Variants in RAD51B observed in about 807,000 individuals in gnomAD.
The protein encoded by RAD51B is DNA repair protein RAD51 homolog 2.
RAD51B carries 38 observed loss-of-function variants against 42.2 expected under a neutral mutation model. The observed-to-expected ratio is 0.90, with a 90% CI of 0.70 to 1.18. The LOEUF is 1.18. Ranked by LOEUF, RAD51B falls within the 50% of genes most tolerant of loss-of-function variation. RAD51B has a pLI of 0.00. For synonymous variants in RAD51B, 154 were observed against 145.2 expected, an observed-to-expected ratio of 1.06 and a Z score of -0.43; for missense variants, 373 against 400.7, an observed-to-expected ratio of 0.93 and a Z score of 0.59.
At chr14:68,582,518 A>G (rs1594996091) in intron 10 of RAD51B, among the ~76,000 whole-genome samples, 2 of 152,252 alleles carry the variant, frequency 1.3e-5, no homozygotes, top group Admixed American at 1.3e-4. Context: ...GATGCTGTAG[A>G]GGACGGGAGA....
intron 7 of RAD51B, among the ~76,000 whole-genome samples, chr14:68,045,675 A>C (rs921436570): frequency 2.6e-5 from 4 of 152,192 alleles, no homozygotes; most frequent in South Asian, 4.1e-4. Context: ...AAACATTCTC[A>C]TGAGTAAGAA....
At chr14:68,450,439 G>A (rs548723559) in intron 9 of RAD51B, among the ~76,000 whole-genome samples, 7 of 152,150 alleles carry the variant, frequency 4.6e-5, no homozygotes, top group Admixed American at 1.3e-4. Context: ...GGCTGGTCTC[G>A]AACTCCTGAC....
chr14:67,989,753 A>G (rs983535893), intron 7 of RAD51B, among the ~76,000 whole-genome samples: 1 of 151,918 alleles, frequency 6.6e-6, no homozygotes, highest in Non-Finnish European at 1.5e-5. Flanking sequence ...GAGAACTTTC[A>G]TTCGGAATTT....
intron 10 of RAD51B, among the ~76,000 whole-genome samples, chr14:68,638,728 A>G (rs1892393321): frequency 6.6e-6 from 1 of 152,158 alleles, no homozygotes; most frequent in Non-Finnish European, 1.5e-5. Context: ...GCAGCACTGC[A>G]GTGCAGCGCA....
At chr14:68,604,588 C>G (rs1891367331) in intron 10 of RAD51B, among the ~76,000 whole-genome samples, 1 of 152,196 alleles carries the variant, frequency 6.6e-6, no homozygotes, top group South Asian at 2.1e-4. Context: ...CTTCCTCGGC[C>G]CTGCCCATTA....
chr14:68,130,012 A>T (rs1369703430), intron 7 of RAD51B: 4 of 152,238 alleles, frequency 2.6e-5, no homozygotes, highest in Non-Finnish European at 5.9e-5. Context: ...AGTATGGCTG[A>T]GTTTTCTATT....
At chr14:67,851,156 A>G (rs1378728456) in intron 4 of RAD51B, among the ~76,000 whole-genome samples, 2 of 151,930 alleles carry the variant, frequency 1.3e-5, no homozygotes, top group East Asian at 3.9e-4. Context: ...ACCTCAGGCA[A>G]TGGGAGATGT....
chr14:68,316,407 A>G (rs755946350), intron 8 of RAD51B, among the ~76,000 whole-genome samples: 2 of 152,100 alleles, frequency 1.3e-5, no homozygotes, highest in Admixed American at 1.3e-4. Context: ...TGGTGCTTTG[A>G]TGGTGGCCTT....
intron 7 of RAD51B, among the ~76,000 whole-genome samples, chr14:68,143,836 G>A (rs1336198995): frequency 9.2e-5 from 14 of 152,068 alleles, no homozygotes; most frequent in African/African-American, 2.4e-4. Flanking sequence ...AGAACCAACC[G>A]TCACTTTTAC....
intron 7 of RAD51B, among the ~76,000 whole-genome samples, chr14:67,985,802 T>C (rs10136174): frequency 0.33 from 49,644 of 151,742 alleles, 11,532 homozygotes; most frequent in African/African-American, 0.66. Flanking sequence ...CCCAGCTACT[T>C]GGGAGGCTGA....
intron 9 of RAD51B, among the ~76,000 whole-genome samples, chr14:68,431,798 T>A (rs1024593435): frequency 1.3e-5 from 2 of 152,230 alleles, no homozygotes; most frequent in African/African-American, 4.8e-5. Flanking sequence ...TGCTAGCTTT[T>A]GAATGTGTTG....
At chr14:67,934,539 A>G (rs1269712855) in intron 7 of RAD51B, among the ~76,000 whole-genome samples, 4 of 152,160 alleles carry the variant, frequency 2.6e-5, no homozygotes, top group Admixed American at 6.5e-5. Context: ...TGCTGTTTCT[A>G]CCCTCAGAGA....
intron 8 of RAD51B, among the ~76,000 whole-genome samples, chr14:68,382,457 G>T (rs1202971757): frequency 6.6e-6 from 1 of 151,934 alleles, no homozygotes; most frequent in Non-Finnish European, 1.5e-5. Flanking sequence ...TAAAAGTTAG[G>T]GTTCTACTCC....
At chr14:68,559,765 A>G (rs1180025657) in intron 10 of RAD51B, among the ~76,000 whole-genome samples, 3 of 152,118 alleles carry the variant, frequency 2.0e-5, no homozygotes, top group Admixed American at 6.6e-5. Context: ...TTTTCCCACT[A>G]AAGCAATGGC....
At chr14:68,225,654 A>G (rs536201426) in intron 7 of RAD51B, among the ~76,000 whole-genome samples, 5 of 152,314 alleles carry the variant, frequency 3.3e-5, no homozygotes, top group Admixed American at 6.5e-5. Context: ...TCAGCCACAA[A>G]GGTGATAAAA....
At chr14:68,619,651 G>A (rs1036407493) in intron 10 of RAD51B, among the ~76,000 whole-genome samples, 2 of 152,030 alleles carry the variant, frequency 1.3e-5, no homozygotes, top group African/African-American at 4.8e-5. Flanking sequence ...TCCATGAGCA[G>A]GAGGAGTCAA....
At chr14:68,256,830 GA>G (rs1165543094) in intron 7 of RAD51B, among the ~76,000 whole-genome samples, 6 of 152,188 alleles carry the variant, frequency 3.9e-5, no homozygotes, top group African/African-American at 1.4e-4. Context: ...CGATTGAATA[GA>G]ATCAGATAAA....
chr14:68,478,133 G>A, downstream of RAD51B: 1 of 1,025,508 alleles, frequency 9.8e-7, no homozygotes, highest in Non-Finnish European at 1.2e-6. Context: ...TCTCCAAATA[G>A]TAACCGATTC....
intron 7 of RAD51B, among the ~76,000 whole-genome samples, chr14:68,156,381 G>T (rs182340362): frequency 3.4e-4 from 51 of 151,250 alleles, no homozygotes; most frequent in Non-Finnish European, 5.0e-4. Flanking sequence ...TGTGTGGAAG[G>T]TTGGTTTCTC....
Sources: gnomAD v4.1 joint callset for allele counts (sites outside exome capture counted in the v4.1 genomes callset) on GRCh38, gnomAD v4.1.1 for gene constraint, MANE v1.5 for transcripts, NCBI Gene and HGNC (gene_info 2026-07-23, HGNC 2026-07-21) for gene names.